Variants in SFXN3 observed in about 807,000 individuals in gnomAD.
The protein encoded by SFXN3 is sideroflexin 3.
SFXN3 carries 31 observed loss-of-function variants against 40.4 expected under a neutral mutation model. The ratio of observed to expected loss-of-function variants is 0.77; its 90% CI spans 0.58 to 1.04. The LOEUF is 1.04. SFXN3 is among the 50% of genes least tolerant of loss of function. The pLI, the probability that SFXN3 is intolerant of heterozygous loss-of-function variation, is 0.00. For missense variants in SFXN3, 366 were observed against 408.2 expected (o/e 0.90, Z 0.89); for synonymous variants, 157 against 160.0 (o/e 0.98, Z 0.14).
rs1397856406 is a variant in SFXN3 at position 101,039,547 on chromosome 10, C to T, written c.928C>T (p.Pro310Ser). ...GAGAGCTCAGATCCATGAGCAAAAC[C>T]CCAGCGTTGAAGTGGTCTACTACAA... Residue 310 changes from proline to serine, a missense_variant, in exon 12 of 12, where the codon CCC becomes TCC. Physicochemically the swap from Pro to Ser is moderately conservative, Grantham distance 74. Transcript: ENST00000393459. This position sits in a 1 kb window ranked among gnomAD's most constrained non-coding sequence, Gnocchi z 4.6. The T allele has an allele frequency of 6.2e-7, 1 of 1,614,096 alleles. No homozygotes were observed. Among genetic ancestry groups the T allele is most frequent in the South Asian group, 1.1e-5 (1 of 91,078 alleles).
chr10:101,035,608 C>A, exon 4 of SFXN3: 1 of 1,614,142 alleles, frequency 6.2e-7, no homozygotes, highest in Non-Finnish European at 8.5e-7. Flanking sequence ...TGATTGGCCG[C>A]ATGTCAGCCC....
Position 101,036,936 on chromosome 10 carries a change from CTG to C in SFXN3, c.593+129_593+130del. 1 of 1,520,328 alleles carries C rather than the reference CTG, an allele frequency of 6.6e-7. No individual in the cohort carries two copies. The highest frequency in any genetic ancestry group is 1.3e-5 in the South Asian group (1 of 78,634). 94.2% of individuals were successfully genotyped at this position (1,520,328 alleles called of 1,614,324 possible). A position where few individuals can be genotyped will look rare whatever the true frequency, so the allele number is the denominator to read the frequency against. On this transcript the variant is annotated intron_variant, in intron 7 of 11. Transcript: ENST00000393459. This position sits in a 1 kb window ranked among gnomAD's most constrained non-coding sequence, Gnocchi z 4.2. ...ATGAGCTGCTGGGCCCTGGCTCAGTCTGACCCTGGGATCCTCAGGTGGGAGAA... is the reference window on the plus strand; with the variant it reads ...ATGAGCTGCTGGGCCCTGGCTCAGTCACCCTGGGATCCTCAGGTGGGAGAA...
Position 101,038,670 on chromosome 10 carries a change from C to T in SFXN3, c.799C>T (p.Gln267Ter). 1 of 1,612,868 alleles carries T rather than the reference C, an allele frequency of 6.2e-7. No individual in the cohort carries two copies. The change falls in exon 10 of 12, where the codon CAG becomes TAG. Residue 267 changes from glutamine to a stop codon, truncating the protein, a stop_gained. Transcript: ENST00000393459. LOFTEE classifies it high-confidence loss of function. ...CCGCCCCTGGCTGGGGGCACCCCTG[C>T]AGGTGGGACTGGTGGGCTTCTGGTA...
exon 4 of SFXN3, chr10:101,035,504 G>T (rs765826130): frequency 1.9e-6 from 3 of 1,604,568 alleles, no homozygotes; most frequent in Admixed American, 1.7e-5. Flanking sequence ...CAGGGCCGGC[G>T]TGGTGACCCC....
chr10:101,037,218 G>C lies in SFXN3; in HGVS notation c.721+15G>C. The C allele has an allele frequency of 2.5e-6, 4 of 1,613,574 alleles. No homozygotes were observed. The highest frequency in any genetic ancestry group is 3.4e-6 in the Non-Finnish European group (4 of 1,180,012). ...TCCTGCCATGGGTAAGGCGGGAGTG[G>C]CTGGGTGGGGCATAGGAGACTCTGA... On this transcript the variant is annotated intron_variant, in intron 8 of 11. Coordinates refer to ENST00000393459, the Ensembl canonical transcript of SFXN3.
At chr10:101,038,405 A>T (rs950536706) in intron 9 of SFXN3, 18 of 1,413,314 alleles carry the variant, frequency 1.3e-5, no homozygotes, top group Non-Finnish European at 1.7e-5. Flanking sequence ...ATGGCAACCA[A>T]TTCTGAGAGG....
At position 101,035,721 on chromosome 10, in the gene SFXN3, G is replaced by C. The variant is rs1246521356; in HGVS notation, c.332+54G>C. The stretch of plus-strand genomic sequence containing the variant: ...AGTGCCCTAAGCTAGAGCATAGCTT[G>C]ACTAGGTGCGCTTCTTGTCTGGGCC... On this transcript the variant is annotated intron_variant, in intron 4 of 11. Coordinates refer to ENST00000393459, the Ensembl canonical transcript of SFXN3. The C allele has an allele frequency of 1.9e-6, 3 of 1,551,796 alleles. No individual in the cohort carries two copies. In the African/African-American group the frequency reaches 4.1e-5, roughly 21 times the overall value.
Position 101,036,790 on chromosome 10 carries a change from TC to T in SFXN3, c.580del (p.Leu194Ter). 6.2e-7 allele frequency: 1 copy of T among 1,613,816 alleles called. No homozygotes were observed. Among genetic ancestry groups the T allele is most frequent in the Non-Finnish European group, 8.5e-7 (1 of 1,179,726 alleles). On this transcript the variant is annotated frameshift_variant, in exon 7 of 12. Transcript: ENST00000393459. LOFTEE classifies it high-confidence loss of function. This position sits in a 1 kb window ranked among gnomAD's most constrained non-coding sequence, Gnocchi z 4.2. ...GTGGCAGCTGCCAACTGCATCAACA[TC>T]CCCCTGATGAGGCAGAGGTGAGTGA...
At chr10:101,031,511 A>T (rs1938191097) in exon 1 of SFXN3, 1 of 152,496 alleles carries the variant, frequency 6.6e-6, no homozygotes, top group East Asian at 1.9e-4. Context: ...AGTTTGCTGC[A>T]GGCGTGCTCT....
chr10:101,035,548 G>A (rs1938550802), exon 4 of SFXN3: 3 of 1,613,838 alleles, frequency 1.9e-6, no homozygotes, highest in Non-Finnish European at 1.7e-6. Context: ...GGAGGGCCAA[G>A]TATGTGTATG....
At chr10:101,034,924 T>A in intron 3 of SFXN3, 69 bp downstream of exon 3, 1 of 1,550,884 alleles carries the variant, frequency 6.4e-7, no homozygotes, top group East Asian at 2.3e-5. Context: ...ATATGTTTTG[T>A]ACCTGCCTCC....
intron 9 of SFXN3, chr10:101,037,899 G>A (rs1938698937): frequency 4.0e-6 from 4 of 1,005,464 alleles, no homozygotes; most frequent in Non-Finnish European, 4.8e-6. Context: ...TAGGGCTGAG[G>A]AGATGGCACT....
In SFXN3 at chr10:101,035,492, T is replaced by G; in HGVS notation, c.162-5T>G. 6.3e-7 allele frequency: 1 copy of G among 1,597,676 alleles called. No homozygotes were observed. On this transcript the variant is annotated splice_polypyrimidine_tract_variant and splice_region_variant and intron_variant, in intron 3 of 11. Coordinates refer to ENST00000393459, the Ensembl canonical transcript of SFXN3. ...AGCCTGTCTGCTCCTTGCCAACTTC[T>G]GCAGGGCCGGCGTGGTGACCCCAGG...
At position 101,039,315 on chromosome 10, in the gene SFXN3, G is replaced by A; in HGVS notation, c.869+93G>A. 3 of 1,320,636 alleles carry A rather than the reference G, an allele frequency of 2.3e-6. No individual in the cohort carries two copies. The highest frequency in any genetic ancestry group is 3.2e-6 in the Non-Finnish European group (3 of 930,664). 81.8% of individuals were successfully genotyped at this position (1,320,636 alleles called of 1,614,324 possible). A position where few individuals can be genotyped will look rare whatever the true frequency, so the allele number is the denominator to read the frequency against. On this transcript the variant is annotated intron_variant, in intron 11 of 11. Transcript: ENST00000393459. This position sits in a 1 kb window ranked among gnomAD's most constrained non-coding sequence, Gnocchi z 4.6. ...TAGGGTCTTCCAGGGTGTTCAGGAG[G>A]AGGCCTGGCAGGCACTCCACTGATT...
chr10:101,032,663 T>C (rs535970143), intron 2 of SFXN3, among the ~76,000 whole-genome samples, 181 bp downstream of exon 2: 50 of 152,196 alleles, frequency 3.3e-4, no homozygotes, highest in African/African-American at 1.2e-3. Context: ...TAGTCACACA[T>C]TCAAGTGTCT....
Position 101,039,831 on chromosome 10 carries a change from T to A in SFXN3, c.*246T>A, listed in dbSNP as rs1564650779. On this transcript the variant is annotated 3_prime_UTR_variant, in exon 12 of 12. Transcript: ENST00000393459. The surrounding 1 kb of genome is among the most constrained non-coding windows in gnomAD (Gnocchi z 4.6). ...TTGAGTGTCCATGCATATACATACATGATACACATGTGTATGTGTACATTG... is the reference window on the plus strand; with the variant it reads ...TTGAGTGTCCATGCATATACATACAAGATACACATGTGTATGTGTACATTG... The A allele has an allele frequency of 1.8e-6, 1 of 547,292 alleles. No individual in the cohort carries two copies. The highest frequency in any genetic ancestry group is 3.0e-5 in the East Asian group (1 of 33,246). The allele number at this position is 547,292 out of a possible 1,614,324, so 33.9% of individuals were successfully genotyped here. A position where few individuals can be genotyped will look rare whatever the true frequency, so the allele number is the denominator to read the frequency against.
exon 2 of SFXN3, chr10:101,032,390 G>T: frequency 7.0e-7 from 1 of 1,431,408 alleles, no homozygotes; most frequent in Non-Finnish European, 9.3e-7. Context: ...GGCGTCACGC[G>T]TGACGTCCCG....
chr10:101,037,075 G>A lies in SFXN3; in HGVS notation c.594-1G>A. On this transcript the variant is annotated splice_acceptor_variant, in intron 7 of 11. Transcript: ENST00000393459. LOFTEE classifies it high-confidence loss of function. The stretch of plus-strand genomic sequence containing the variant: ...CTGACCCCAACCCCCCTCCCTTGCA[G>A]AGAGCTGCAGGTGGGCATCCCGGTG... The A allele has an allele frequency of 1.2e-6, 2 of 1,613,798 alleles. No homozygotes were observed. The highest frequency in any genetic ancestry group is 1.7e-6 in the Non-Finnish European group (2 of 1,180,024).
chr10:101,036,861 C>T lies in SFXN3; in HGVS notation c.593+53C>T. On this transcript the variant is annotated intron_variant, in intron 7 of 11. Coordinates refer to ENST00000393459, the Ensembl canonical transcript of SFXN3. The surrounding 1 kb of genome is among the most constrained non-coding windows in gnomAD (Gnocchi z 4.2). Reference sequence around the variant, plus strand: ...CATGCCCAGAATGTAGCACACTGTCCATCCACGCAGACCACCTCAGAATGG... The same window carrying T: ...CATGCCCAGAATGTAGCACACTGTCTATCCACGCAGACCACCTCAGAATGG... 1 of 1,594,616 alleles carries T rather than the reference C, an allele frequency of 6.3e-7. No homozygotes were observed. The highest frequency in any genetic ancestry group is 8.6e-7 in the Non-Finnish European group (1 of 1,165,524).
Sources: allele counts gnomAD v4.1 joint callset (sites outside exome capture counted in the v4.1 genomes callset), GRCh38; gene constraint gnomAD v4.1.1; non-coding constraint Gnocchi (gnomAD v3.1); transcripts MANE v1.5; gene names NCBI Gene and HGNC (gene_info 2026-07-23, HGNC 2026-07-21).